The following TENT5D variants were observed in gnomAD, a reference collection of about 807,000 sequenced individuals.
TENT5D encodes terminal nucleotidyltransferase 5D.
For missense variants in TENT5D, 191 were observed against 287.0 expected (o/e 0.67, Z 2.42); for synonymous variants, 103 against 100.6 (o/e 1.02, Z -0.15).
chrX:80,425,633 G>T (rs868820573), intron 1 of TENT5D, among the ~76,000 whole-genome samples: 9 of 112,463 alleles, frequency 8.0e-5, no homozygotes, highest in African/African-American at 2.6e-4. Context: ...GGTTATTTTT[G>T]TGGTTTACAA....
At chrX:80,357,721 C>A (rs1290286190) in intron 3 of TENT5D, among the ~76,000 whole-genome samples, 2 of 110,825 alleles carry the variant, frequency 1.8e-5, no homozygotes, top group Non-Finnish European at 3.8e-5. Flanking sequence ...TCAATATTGT[C>A]AAAATGACCA....
intron 1 of TENT5D, among the ~76,000 whole-genome samples, chrX:80,424,081 T>A (rs1931940511): frequency 9.0e-6 from 1 of 110,670 alleles, no homozygotes; most frequent in African/African-American, 3.3e-5. Flanking sequence ...GATTAAGCGT[T>A]GATTTTTTTT....
intron 3 of TENT5D, among the ~76,000 whole-genome samples, chrX:80,357,471 G>C (rs1228524596): frequency 9.1e-6 from 1 of 109,549 alleles, no homozygotes; most frequent in Non-Finnish European, 1.9e-5. Flanking sequence ...GTGTGAGATG[G>C]TATCTCATTG....
At chrX:80,407,427 C>CA (rs1373177893) in intron 3 of TENT5D, among the ~76,000 whole-genome samples, 2 of 107,990 alleles carry the variant, frequency 1.9e-5, no homozygotes, top group African/African-American at 3.4e-5. Flanking sequence ...AAATGGAAAA[C>CA]AAAAAAAGGC....
At chrX:80,374,884 C>T (rs1000905342) in intron 3 of TENT5D, among the ~76,000 whole-genome samples, 1 of 111,084 alleles carries the variant, frequency 9.0e-6, no homozygotes, top group Non-Finnish European at 1.9e-5. Context: ...AAGAAATGCT[C>T]TATTGACCAT....
intron 3 of TENT5D, among the ~76,000 whole-genome samples, chrX:80,398,239 A>G: frequency 9.0e-6 from 1 of 111,615 alleles, no homozygotes; most frequent in Admixed American, 9.4e-5. Context: ...TGTTCAGATC[A>G]TTTGTCCATT....
chrX:80,443,109 A>C, exon 3 of TENT5D: 1 of 1,211,124 alleles, frequency 8.3e-7, no homozygotes, highest in Non-Finnish European at 1.1e-6. Flanking sequence ...ACAGTGACAA[A>C]AATGCCAAGC....
At chrX:80,401,766 G>A (rs1931394458) in intron 3 of TENT5D, among the ~76,000 whole-genome samples, 1 of 112,028 alleles carries the variant, frequency 8.9e-6, no homozygotes, top group Non-Finnish European at 1.9e-5. Flanking sequence ...CTTGATCATG[G>A]TGAATGATCC....
chrX:80,344,262 G>A (rs773049718), intron 3 of TENT5D, among the ~76,000 whole-genome samples: 2 of 110,490 alleles, frequency 1.8e-5, no homozygotes. Flanking sequence ...GTTAACATAT[G>A]AGTGCATGGG....
chrX:80,406,894 C>T (rs1243311009), intron 3 of TENT5D, among the ~76,000 whole-genome samples: 11 of 100,037 alleles, frequency 1.1e-4, no homozygotes, highest in Non-Finnish European at 1.4e-4. Context: ...AGACTAACAG[C>T]GGATCTCTTG....
intron 3 of TENT5D, among the ~76,000 whole-genome samples, chrX:80,410,381 TCAAA>T (rs1931626359): frequency 1.3e-5 from 1 of 78,357 alleles, no homozygotes; most frequent in African/African-American, 4.8e-5. Flanking sequence ...TACAATGAAC[TCAAA>T]CAAATTTACA....
intron 1 of TENT5D, among the ~76,000 whole-genome samples, chrX:80,426,648 T>C (rs570834822): frequency 1.8e-5 from 2 of 112,531 alleles, no homozygotes; most frequent in Admixed American, 1.9e-4. Flanking sequence ...ATACAGTTTT[T>C]CCACAGTTTG....
chrX:80,359,298 AG>A (rs909171865), intron 3 of TENT5D, among the ~76,000 whole-genome samples: 1 of 111,735 alleles, frequency 8.9e-6, no homozygotes, highest in Non-Finnish European at 1.9e-5. Flanking sequence ...TCCCATTACT[AG>A]GTATATACCC....
chrX:80,442,270 C>A (rs1004866548), intron 2 of TENT5D, among the ~76,000 whole-genome samples: 2 of 111,535 alleles, frequency 1.8e-5, no homozygotes, highest in African/African-American at 3.2e-5. Flanking sequence ...TTTATATCAA[C>A]AGTCATTACA....
upstream of TENT5D, among the ~76,000 whole-genome samples, chrX:80,419,613 C>T (rs762596775): frequency 8.9e-6 from 1 of 112,639 alleles, no homozygotes; most frequent in South Asian, 3.6e-4. Context: ...CATACTGTAA[C>T]AAAACATTAT....
At chrX:80,343,687 A>G (rs920094508) in intron 3 of TENT5D, among the ~76,000 whole-genome samples, 8 of 111,386 alleles carry the variant, frequency 7.2e-5, no homozygotes, top group African/African-American at 2.6e-4. Context: ...GGCATGAGCC[A>G]CCGCGCCTGG....
At chrX:80,395,024 C>T (rs925727922) in intron 3 of TENT5D, among the ~76,000 whole-genome samples, 6 of 111,877 alleles carry the variant, frequency 5.4e-5, no homozygotes, top group East Asian at 5.6e-4. Flanking sequence ...TTCTCTCCTG[C>T]TCTCTTCCCT....
At chrX:80,371,993 A>G (rs1397270421) in intron 3 of TENT5D, among the ~76,000 whole-genome samples, 1 of 111,448 alleles carries the variant, frequency 9.0e-6, no homozygotes, top group Non-Finnish European at 1.9e-5. Context: ...CACAGTCCCA[A>G]AAGACTAAAT....
chrX:80,442,382 A>T, intron 2 of TENT5D, 140 bp from the exon 3 acceptor site: 3 of 419,791 alleles, frequency 7.1e-6, no homozygotes, highest in Non-Finnish European at 1.2e-5. Flanking sequence ...TTTAAACATG[A>T]TTAAATATAT....
Sources: allele counts gnomAD v4.1 joint callset (sites outside exome capture counted in the v4.1 genomes callset), GRCh38; gene constraint gnomAD v4.1.1; transcripts MANE v1.5; gene names NCBI Gene and HGNC (gene_info 2026-07-23, HGNC 2026-07-21).